MOV10L1: variants seen among roughly 807,000 people sequenced by gnomAD.
MOV10L1 encodes RNA helicase Mov10l1.
A neutral mutation model predicts 143.8 loss-of-function variants in MOV10L1; 110 were observed. The observed-to-expected ratio is 0.76, with a 90% CI of 0.66 to 0.90. The LOEUF (loss-of-function observed/expected upper bound fraction) is 0.90. Ranked by LOEUF, MOV10L1 falls within the 40% of genes least tolerant of loss-of-function variation. The probability of loss-of-function intolerance (pLI) is 0.00; values close to 1 mark genes in which losing one functional copy is unlikely to be tolerated. For synonymous variants in MOV10L1, 593 were observed against 581.1 expected (o/e 1.02, Z -0.29); for missense variants, 1,406 against 1,526.8 (o/e 0.92, Z 1.32).
chr22:50,153,280 C>A, intron 22 of MOV10L1, 62 bp downstream of exon 22: 1 of 1,513,164 alleles, frequency 6.6e-7, no homozygotes. Context: ...GCAGGAGGTC[C>A]TTCCTCCCAG....
chr22:50,147,018 AT>A (rs2063170477), intron 19 of MOV10L1: 10 of 1,536,640 alleles, frequency 6.5e-6, no homozygotes, highest in East Asian at 4.9e-5. Flanking sequence ...CAAGACAGGG[AT>A]TTTTTTTGTT....
Position 50,126,182 on chromosome 22 carries a change from G to A in MOV10L1, c.1748-20G>A. On this transcript the variant is annotated intron_variant, in intron 11 of 26. Coordinates refer to ENST00000262794, the MANE Select transcript of MOV10L1 (RefSeq NM_018995.3). ...TGATTTTGTGTTAGCTTTAAACATG[G>A]TAATATATTTTTTAACTAGGTGATA... 6.6e-7 allele frequency: 1 copy of A among 1,519,048 alleles called. No individual in the cohort carries two copies. The highest frequency in any genetic ancestry group is 1.4e-5 in the African/African-American group (1 of 71,956). 94.1% of individuals were successfully genotyped at this position (1,519,048 alleles called of 1,614,324 possible).
At chr22:50,094,088 C>T (rs1477312910) in intron 2 of MOV10L1, 1 of 152,188 alleles carries the variant, frequency 6.6e-6, no homozygotes, top group African/African-American at 2.4e-5. Context: ...ATTTTTCTGG[C>T]TCTTCACATG....
At chr22:50,157,310 T>C (rs2063451648) in intron 22 of MOV10L1, among the ~76,000 whole-genome samples, 2 of 152,168 alleles carry the variant, frequency 1.3e-5, no homozygotes. Flanking sequence ...GTTGATTGCG[T>C]CCGTTGATGC....
intron 22 of MOV10L1, among the ~76,000 whole-genome samples, chr22:50,157,522 G>T (rs779706707): frequency 5.3e-5 from 8 of 152,120 alleles, no homozygotes; most frequent in Non-Finnish European, 8.8e-5. Context: ...GGTGTCAGGT[G>T]AGGGTCCGTC....
chr22:50,100,211 T>C (rs2062704024), intron 3 of MOV10L1, among the ~76,000 whole-genome samples: 1 of 152,186 alleles, frequency 6.6e-6, no homozygotes, highest in Non-Finnish European at 1.5e-5. Context: ...CGGGCTGGTC[T>C]CGAACTCTTG....
chr22:50,147,018 A>AT (rs2063170477), intron 19 of MOV10L1: 15 of 1,536,636 alleles, frequency 9.8e-6, no homozygotes, highest in African/African-American at 1.4e-5. Context: ...CAAGACAGGG[A>AT]TTTTTTTTGT....
intron 3 of MOV10L1, among the ~76,000 whole-genome samples, chr22:50,104,142 A>G (rs182416312): frequency 6.6e-6 from 1 of 152,142 alleles, no homozygotes; most frequent in Non-Finnish European, 1.5e-5. Flanking sequence ...TCCAGCTCCT[A>G]TGAGAATCTA....
chr22:50,100,624 C>T (rs1365947789), intron 3 of MOV10L1, among the ~76,000 whole-genome samples: 1 of 152,134 alleles, frequency 6.6e-6, no homozygotes, highest in Non-Finnish European at 1.5e-5. Context: ...GGCGATTCTC[C>T]TGCCTCAGCC....
At chr22:50,145,352 G>A (rs1004752692) in intron 18 of MOV10L1, among the ~76,000 whole-genome samples, 19 of 152,178 alleles carry the variant, frequency 1.2e-4, no homozygotes, top group African/African-American at 4.6e-4. Context: ...AACCTGGGAG[G>A]CAGAGGTTGC....
intron 15 of MOV10L1, among the ~76,000 whole-genome samples, chr22:50,138,034 T>G (rs1173380505): frequency 6.6e-6 from 1 of 151,884 alleles, no homozygotes; most frequent in Non-Finnish European, 1.5e-5. Context: ...AAAAACCATA[T>G]AATCATGGCA....
At chr22:50,140,652 T>C (rs1488782182) in intron 15 of MOV10L1, among the ~76,000 whole-genome samples, 1 of 152,236 alleles carries the variant, frequency 6.6e-6, no homozygotes, top group African/African-American at 2.4e-5. Context: ...AGGCTGTATA[T>C]AGTCCATGGG....
At position 50,142,097 on chromosome 22, in the gene MOV10L1, C is replaced by T. The variant is rs778388291; in HGVS notation, c.2087C>T (p.Thr696Met). Reference protein sequence around the residue: ...STSKKNRKTMTDQAEHGTEER... With the variant: ...STSKKNRKTMMDQAEHGTEER... ...AATTTCTAGAATAGGAAAACAATGA[C>T]GGACCAAGCTGAGCATGGAACAGAG... The change falls in exon 16 of 27, where the codon ACG becomes ATG. Residue 696 changes from threonine (T) to methionine (M), a missense_variant. Thr to Met is a moderately conservative substitution (Grantham distance 81, BLOSUM62 -1). Transcript: ENST00000262794. 1.0e-5 allele frequency: 16 copies of T among 1,607,960 alleles called. No individual in the cohort carries two copies. Among genetic ancestry groups the T allele is most frequent in the Admixed American group, 1.7e-5 (1 of 58,288 alleles).
chr22:50,096,610 C>G (rs2062595177), intron 2 of MOV10L1, among the ~76,000 whole-genome samples: 1 of 152,198 alleles, frequency 6.6e-6, no homozygotes, highest in African/African-American at 2.4e-5. Flanking sequence ...GAGGCTGCCA[C>G]TTTTTCTGTA....
At chr22:50,108,104 C>A in intron 3 of MOV10L1, 32 bp from the exon 4 acceptor site, 3 of 1,594,560 alleles carry the variant, frequency 1.9e-6, no homozygotes, top group Non-Finnish European at 2.6e-6. Flanking sequence ...TGCACTTTAA[C>A]ACTACCATGG....
chr22:50,149,544 C>T, intron 19 of MOV10L1, 71 bp from the exon 20 acceptor site: 2 of 1,481,744 alleles, frequency 1.3e-6, no homozygotes, highest in Non-Finnish European at 1.9e-6. Flanking sequence ...CGTGGCTTTG[C>T]CAGTGTGTCA....
intron 19 of MOV10L1, among the ~76,000 whole-genome samples, chr22:50,149,120 C>T (rs2063228397): frequency 6.6e-6 from 1 of 152,226 alleles, no homozygotes; most frequent in Non-Finnish European, 1.5e-5. Context: ...TCTGTGGCCG[C>T]CTGCATGGCC....
In MOV10L1 at chr22:50,125,396, T is replaced by C; in HGVS notation, c.1574T>C (p.Leu525Pro). ...TAACATTTGGGTGTTTTCCAGCTTCTGAACATGTCAAATTACAAGGAGAAG... is the reference window on the plus strand; with the variant it reads ...TAACATTTGGGTGTTTTCCAGCTTCCGAACATGTCAAATTACAAGGAGAAG... ...LTFQPLLAEL[L>P]NMSNYKEKFS... The change falls in exon 11 of 27, where the codon CTG becomes CCG. Residue 525 changes from leucine (L) to proline (P), a missense_variant. Leu to Pro is a moderately conservative substitution (Grantham distance 98, BLOSUM62 -3). Around this residue, in one of 3 missense-constraint regions of MOV10L1, gnomAD observed 1,233 missense variants for 1,351.4 expected, o/e 0.91. Coordinates refer to ENST00000262794, the MANE Select transcript of MOV10L1 (RefSeq NM_018995.3). The C allele has an allele frequency of 1.9e-6, 3 of 1,614,156 alleles. No homozygotes were observed. Among genetic ancestry groups the C allele is most frequent in the Non-Finnish European group, 2.5e-6 (3 of 1,179,978 alleles).
Position 50,144,804 on chromosome 22 carries a change from A to G in MOV10L1, c.2505+561A>G, listed in dbSNP as rs1180501531. Among the ~76,000 whole-genome samples the G allele has an allele frequency of 1.1e-4, 16 of 151,962 alleles. 2 individuals are homozygous for G. The East Asian group carries it at 2.1e-3, about 20-fold the overall frequency. ...CACCGTGTTAGCCAGGATGGTCTCG[A>G]TCTCCTGACCTCATGATCTGCCCGC... On this transcript the variant is annotated intron_variant, in intron 18 of 26. Transcript: ENST00000262794.
Sources: gnomAD v4.1 joint callset for allele counts (sites outside exome capture counted in the v4.1 genomes callset) on GRCh38, gnomAD v4.1.1 for gene constraint, gnomAD v4.1.1 regional missense constraint, MANE v1.5 for transcripts, NCBI Gene and HGNC (gene_info 2026-07-23, HGNC 2026-07-21) for gene names.